ELP3: variants seen among roughly 807,000 people sequenced by gnomAD.
The protein encoded by ELP3 is elongator acetyltransferase complex subunit 3.
ELP3 carries 56 observed loss-of-function variants against 74.9 expected under a neutral mutation model. The ratio of observed to expected loss-of-function variants is 0.75; its 90% confidence interval spans 0.60 to 0.93. ELP3 has a LOEUF of 0.93. Among genes scored for constraint, ELP3 ranks in the 40% least tolerant of loss-of-function variants. The pLI is 0.00. For synonymous variants in ELP3, 222 were observed against 239.8 expected (o/e 0.93, Z 0.68); for missense variants, 573 against 686.5 (o/e 0.83, Z 1.85).
chr8:28,131,423 T>A (rs1157759251), intron 8 of ELP3, among the ~76,000 whole-genome samples: 2 of 152,226 alleles, frequency 1.3e-5, no homozygotes, highest in Non-Finnish European at 2.9e-5. Flanking sequence ...ATTGGTTATT[T>A]GGGTTTGGAA....
At chr8:28,106,610 C>A in intron 3 of ELP3, 103 bp from the exon 4 acceptor site, 2 of 760,950 alleles carry the variant, frequency 2.6e-6, no homozygotes, top group South Asian at 1.7e-5. Context: ...CTTTTTGCCA[C>A]TCTCTGGTTG....
chr8:28,122,645 T>G (rs1812419077), intron 7 of ELP3, among the ~76,000 whole-genome samples: 1 of 152,234 alleles, frequency 6.6e-6, no homozygotes, highest in Admixed American at 6.5e-5. Flanking sequence ...GTTTCAACCC[T>G]GATACTCATC....
chr8:28,121,549 G>A (rs1459995720), intron 7 of ELP3, among the ~76,000 whole-genome samples: 2 of 151,808 alleles, frequency 1.3e-5, no homozygotes, highest in Non-Finnish European at 2.9e-5. Context: ...CAAACTCCCG[G>A]CCTCAGGTGA....
At chr8:28,166,981 T>C (rs1438833243) in intron 14 of ELP3, among the ~76,000 whole-genome samples, 1 of 152,236 alleles carries the variant, frequency 6.6e-6, no homozygotes, top group African/African-American at 2.4e-5. Flanking sequence ...AAAATTAATA[T>C]GGCCATTGGC....
At chr8:28,158,877 A>AC (rs1243745021) in intron 12 of ELP3, among the ~76,000 whole-genome samples, 23 of 152,354 alleles carry the variant, frequency 1.5e-4, no homozygotes, top group African/African-American at 5.0e-4. Flanking sequence ...AACTTTCTGC[A>AC]GTGTTGGAAA....
At chr8:28,169,536 G>A (rs917460742) in intron 14 of ELP3, among the ~76,000 whole-genome samples, 1 of 152,132 alleles carries the variant, frequency 6.6e-6, no homozygotes, top group African/African-American at 2.4e-5. Flanking sequence ...ATGTGGCTTG[G>A]GCTTTTTAAT....
At chr8:28,145,875 C>T (rs530143997) in intron 10 of ELP3, among the ~76,000 whole-genome samples, 3 of 152,290 alleles carry the variant, frequency 2.0e-5, no homozygotes, top group African/African-American at 7.2e-5. Context: ...CCACCTGCCT[C>T]GGCCACCCAA....
chr8:28,174,697 T>A (rs769449391), intron 14 of ELP3, among the ~76,000 whole-genome samples: 2 of 152,138 alleles, frequency 1.3e-5, no homozygotes, highest in Admixed American at 1.3e-4. Context: ...GCAATAATAC[T>A]AGCTTTTATG....
At chr8:28,093,356 C>G in intron 1 of ELP3, 123 bp downstream of exon 1, 1 of 1,379,118 alleles carries the variant, frequency 7.3e-7, no homozygotes, top group Non-Finnish European at 9.9e-7. Flanking sequence ...GCCCCGCCAC[C>G]TAGGGTCAGT....
chr8:28,145,064 A>G (rs1813380974), intron 10 of ELP3, among the ~76,000 whole-genome samples: 2 of 151,980 alleles, frequency 1.3e-5, no homozygotes, highest in African/African-American at 2.4e-5. Flanking sequence ...TAAAAAAGAA[A>G]CCTGTATCAA....
chr8:28,109,562 CG>C (rs1811831878), intron 5 of ELP3, among the ~76,000 whole-genome samples: 1 of 152,072 alleles, frequency 6.6e-6, no homozygotes, highest in Non-Finnish European at 1.5e-5. Context: ...AGAAGTGTTT[CG>C]GATTTTGGAT....
At chr8:28,091,523 T>C (rs962158565), upstream of ELP3, among the ~76,000 whole-genome samples, 1 of 152,172 alleles carries the variant, frequency 6.6e-6, no homozygotes, top group Non-Finnish European at 1.5e-5. Context: ...CCAGTTTCAG[T>C]GTCATAGTGG....
At chr8:28,122,667 C>T (rs1470852214) in intron 7 of ELP3, among the ~76,000 whole-genome samples, 1 of 152,106 alleles carries the variant, frequency 6.6e-6, no homozygotes, top group Non-Finnish European at 1.5e-5. Context: ...TCTGTGTTTT[C>T]TCTTTTTTTC....
intron 11 of ELP3, among the ~76,000 whole-genome samples, chr8:28,157,375 G>C (rs535886918): frequency 4.0e-5 from 6 of 150,222 alleles, no homozygotes; most frequent in Non-Finnish European, 7.4e-5. Context: ...CTACTATATA[G>C]AACTATTGTA....
chr8:28,128,349 A>G (rs35133929), intron 7 of ELP3, among the ~76,000 whole-genome samples: 88,154 of 151,832 alleles, frequency 0.58, 27,398 homozygotes, highest in East Asian at 0.92. Context: ...GGTGGCACGC[A>G]CCTGTAATCC....
At position 28,129,524 on chromosome 8, in the gene ELP3, A is replaced by G; in HGVS notation, c.640A>G (p.Lys214Glu). 5.6e-6 allele frequency: 9 copies of G among 1,614,180 alleles called. No individual in the cohort carries two copies. Among genetic ancestry groups the G allele is most frequent in the Non-Finnish European group, 7.6e-6 (9 of 1,180,014 alleles). ...AVKYSERSLTKCIGITIETRP... is the reference protein window; with the variant it reads ...AVKYSERSLTECIGITIETRP... ...CAGGTATTCTGAGAGAAGCCTCACA[A>G]AGTGTATTGGAATTACTATTGAAAC... is the stretch of plus-strand genomic sequence containing the variant. The change falls in exon 8 of 15, where the codon AAG becomes GAG. Residue 214 changes from lysine to glutamate, a missense_variant. By Grantham distance (56) the Lys-to-Glu change is moderately conservative. Coordinates refer to ENST00000256398, the MANE Select transcript of ELP3 (RefSeq NM_018091.6).
At chr8:28,132,208 C>A in intron 8 of ELP3, 70 bp from the exon 9 acceptor site, 1 of 1,525,194 alleles carries the variant, frequency 6.6e-7, no homozygotes, top group South Asian at 1.1e-5. Flanking sequence ...CTTTGTCACC[C>A]ATTTATTTGT....
At chr8:28,104,527 A>G (rs960121062) in intron 3 of ELP3, among the ~76,000 whole-genome samples, 1 of 152,204 alleles carries the variant, frequency 6.6e-6, no homozygotes, top group Non-Finnish European at 1.5e-5. Context: ...TAATTGTCAT[A>G]TATCTTTAGT....
intron 7 of ELP3, among the ~76,000 whole-genome samples, chr8:28,128,160 G>T (rs958171008): frequency 3.3e-5 from 5 of 152,078 alleles, no homozygotes; most frequent in African/African-American, 1.2e-4. Context: ...GCACTAAGAA[G>T]AATGATGGGG....
Sources: allele counts gnomAD v4.1 joint callset (sites outside exome capture counted in the v4.1 genomes callset), GRCh38; gene constraint gnomAD v4.1.1; transcripts MANE v1.5; gene names NCBI Gene and HGNC (gene_info 2026-07-23, HGNC 2026-07-21).